Variants in AFF3 observed in about 807,000 individuals in gnomAD.
AFF3 encodes ALF transcription elongation factor 3, also known as AF4/FMR2 family member 3.
Under a neutral mutation model 129.7 loss-of-function variants are expected in AFF3, and 32 were observed. That is an observed-to-expected ratio of 0.25 (90% CI 0.19 to 0.33). The LOEUF is 0.33. Among genes scored for constraint, AFF3 ranks in the 10% least tolerant of loss-of-function variants. The pLI, the probability that AFF3 is intolerant of heterozygous loss-of-function variation, is 1.00. For synonymous variants in AFF3, 644 were observed against 635.4 expected, an observed-to-expected ratio of 1.01 and a Z score of -0.20; for missense variants, 1,373 against 1,592.0, an observed-to-expected ratio of 0.86 and a Z score of 2.34.
Position 100,006,620 on chromosome 2 carries a change from A to T in AFF3, c.873+12T>A, listed in dbSNP as rs1167471121. On this transcript the variant is annotated intron_variant, in intron 7 of 24. Coordinates refer to ENST00000672756, the MANE Select transcript of AFF3 (RefSeq NM_001386135.1). ...ATGCAGTTGCATGTGAACGGTGCTG[A>T]TAAAGACTCACCTCCCCCTGCTTGG... 1.3e-6 allele frequency: 2 copies of T among 1,599,268 alleles called. No individual in the cohort carries two copies. The highest frequency in any genetic ancestry group is 3.4e-5 in the Admixed American group (2 of 59,626).
At chr2:100,039,017 C>G (rs1685208259) in intron 4 of AFF3, among the ~76,000 whole-genome samples, 1 of 152,150 alleles carries the variant, frequency 6.6e-6, no homozygotes, top group Admixed American at 6.5e-5. Flanking sequence ...ACCCACCATG[C>G]CCAGCCTATT....
At chr2:99,887,972 T>A (rs1486646726) in intron 7 of AFF3, among the ~76,000 whole-genome samples, 1 of 152,172 alleles carries the variant, frequency 6.6e-6, no homozygotes, top group South Asian at 2.1e-4. Context: ...TCCATGGACG[T>A]CCATGATTCT....
At chr2:99,787,781 T>A (rs1386726007) in intron 8 of AFF3, among the ~76,000 whole-genome samples, 1 of 152,194 alleles carries the variant, frequency 6.6e-6, no homozygotes, top group Non-Finnish European at 1.5e-5. Context: ...GCCTGGAGTT[T>A]GCTGAGAGGC....
At chr2:100,105,775 C>G in intron 2 of AFF3, 192 bp from the exon 3 acceptor site, 1 of 1,359,510 alleles carries the variant, frequency 7.4e-7, no homozygotes, top group Middle Eastern at 2.0e-4. Flanking sequence ...CCTGACTCTC[C>G]TGACCTCTTG....
At chr2:100,108,336 C>G (rs1691391210) in intron 2 of AFF3, among the ~76,000 whole-genome samples, 1 of 152,136 alleles carries the variant, frequency 6.6e-6, no homozygotes, top group African/African-American at 2.4e-5. Context: ...TGGTTCTAAC[C>G]TAGGATTCGA....
intron 7 of AFF3, among the ~76,000 whole-genome samples, chr2:99,980,971 A>G (rs1679348458): frequency 6.6e-6 from 1 of 152,222 alleles, no homozygotes; most frequent in African/African-American, 2.4e-5. Context: ...TTAACATATG[A>G]AAATTTTCTT....
chr2:99,707,461 G>A, intron 11 of AFF3: 1 of 985,264 alleles, frequency 1.0e-6, no homozygotes, highest in Non-Finnish European at 1.2e-6. Flanking sequence ...TCAGCACGAG[G>A]CAAACAAACA....
chr2:99,569,174 G>A (rs1311845087), intron 18 of AFF3, among the ~76,000 whole-genome samples: 37 of 151,990 alleles, frequency 2.4e-4, no homozygotes, highest in Admixed American at 2.4e-3. Context: ...GCCCCCTAGG[G>A]CCTAATTTGT....
chr2:100,041,426 G>A (rs1685423669), intron 4 of AFF3, among the ~76,000 whole-genome samples: 1 of 152,214 alleles, frequency 6.6e-6, no homozygotes, highest in African/African-American at 2.4e-5. Context: ...GTGTTCAGAT[G>A]ACAGGCAGGA....
intron 1 of AFF3, among the ~76,000 whole-genome samples, chr2:100,132,197 G>A (rs1319446519): frequency 2.0e-5 from 3 of 152,192 alleles, no homozygotes; most frequent in African/African-American, 4.8e-5. Flanking sequence ...TAAGAACAAT[G>A]TGTTATATGC....
intron 13 of AFF3, chr2:99,630,981 A>G (rs1393455658): frequency 2.2e-6 from 1 of 460,366 alleles, no homozygotes; most frequent in Non-Finnish European, 4.5e-6. Flanking sequence ...GAGACAGAGG[A>G]GGGCATTTCA....
intron 8 of AFF3, among the ~76,000 whole-genome samples, chr2:99,830,752 A>C (rs1688459255): frequency 6.6e-6 from 1 of 152,224 alleles, no homozygotes; most frequent in Admixed American, 6.5e-5. Flanking sequence ...ACAAAAACAA[A>C]AACAAAAACA....
intron 7 of AFF3, among the ~76,000 whole-genome samples, chr2:99,893,484 G>A (rs998728661): frequency 4.6e-5 from 7 of 152,200 alleles, no homozygotes; most frequent in Non-Finnish European, 4.4e-5. Context: ...AGATCAGGAA[G>A]GCGGAGCCCT....
At chr2:100,038,742 A>G (rs534366567) in intron 4 of AFF3, among the ~76,000 whole-genome samples, 1 of 144,546 alleles carries the variant, frequency 6.9e-6, no homozygotes, top group Non-Finnish European at 1.5e-5. Flanking sequence ...TTTTTTTTTT[A>G]GACAGAGCCT....
intron 7 of AFF3, among the ~76,000 whole-genome samples, chr2:99,925,736 TAGAG>T: frequency 6.6e-6 from 1 of 152,236 alleles, no homozygotes; most frequent in African/African-American, 2.4e-5. Flanking sequence ...CATGTGCAGG[TAGAG>T]TGCAGGGATG....
At chr2:100,011,492 A>G in intron 4 of AFF3, 1 of 781,020 alleles carries the variant, frequency 1.3e-6, no homozygotes, top group East Asian at 2.4e-5. Flanking sequence ...TGCCCAAAAT[A>G]ATACCTCCTG....
At chr2:100,081,429 C>T (rs1466991231) in intron 4 of AFF3, among the ~76,000 whole-genome samples, 4 of 151,840 alleles carry the variant, frequency 2.6e-5, no homozygotes, top group East Asian at 3.9e-4. Context: ...GCTGGGCAAG[C>T]GAGAAAATCG....
At chr2:99,996,255 C>A (rs189948496) in intron 7 of AFF3, among the ~76,000 whole-genome samples, 1 of 152,148 alleles carries the variant, frequency 6.6e-6, no homozygotes, top group East Asian at 1.9e-4. Flanking sequence ...AATTAGATAA[C>A]AATCAAATAT....
At chr2:100,125,986 T>C (rs142650969) in intron 2 of AFF3, among the ~76,000 whole-genome samples, 1 of 152,230 alleles carries the variant, frequency 6.6e-6, no homozygotes, top group Non-Finnish European at 1.5e-5. Context: ...TGTTCTTAAC[T>C]GATCAGGAAT....
Sources: allele counts gnomAD v4.1 joint callset (sites outside exome capture counted in the v4.1 genomes callset), GRCh38; gene constraint gnomAD v4.1.1; transcripts MANE v1.5; gene names NCBI Gene and HGNC (gene_info 2026-07-23, HGNC 2026-07-21).